GRAMD1B: variants seen among roughly 807,000 people sequenced by gnomAD.
GRAMD1B encodes GRAM domain containing 1B.
GRAMD1B carries 37 observed loss-of-function variants against 99.7 expected under a neutral mutation model. That is an observed-to-expected ratio of 0.37 (90% CI 0.29 to 0.49). The LOEUF (loss-of-function observed/expected upper bound fraction) is 0.49, where lower values mean the gene tolerates loss of function less well. Among genes scored for constraint, GRAMD1B ranks in the 20% least tolerant of loss-of-function variants. The pLI is 0.98. For synonymous variants in GRAMD1B, 427 were observed against 387.6 expected (o/e 1.10, Z -1.19); for missense variants, 888 against 1,009.2 (o/e 0.88, Z 1.63).
intron 1 of GRAMD1B, among the ~76,000 whole-genome samples, chr11:123,412,094 A>G (rs1948072383): frequency 1.3e-5 from 2 of 152,158 alleles, no homozygotes; most frequent in Non-Finnish European, 1.5e-5. Flanking sequence ...GTGTATGTGT[A>G]TTTTTATTCC....
At position 123,541,228 on chromosome 11, in the gene GRAMD1B, G is replaced by A. The variant is rs149962875; in HGVS notation, c.453-36139G>A. On this transcript the variant is annotated intron_variant, in intron 2 of 19. Transcript: ENST00000635736. ...TGACCTCAGGTGATCCACCTGCCTC[G>A]GTGTCCCAAAGTACTGGGATTACAG... 3.2e-3 allele frequency among the ~76,000 whole-genome samples: 481 copies of A among 152,070 alleles called. 4 individuals are homozygous for A. The highest frequency in any genetic ancestry group is 0.011 in the African/African-American group (444 of 41,484).
At chr11:123,495,678 CTTT>C (rs556302274) in intron 2 of GRAMD1B, among the ~76,000 whole-genome samples, 1 of 114,408 alleles carries the variant, frequency 8.7e-6, no homozygotes, top group African/African-American at 3.2e-5. Context: ...CTTTCTTCTT[CTTT>C]TTTTTTTTTT....
intron 1 of GRAMD1B, among the ~76,000 whole-genome samples, chr11:123,400,167 C>G (rs1050789372): frequency 6.6e-6 from 1 of 152,086 alleles, no homozygotes; most frequent in Non-Finnish European, 1.5e-5. Context: ...ACACCATAGA[C>G]CGGATACCTT....
chr11:123,531,023 AG>A (rs1336532656), intron 2 of GRAMD1B, among the ~76,000 whole-genome samples: 1 of 152,264 alleles, frequency 6.6e-6, no homozygotes, highest in Non-Finnish European at 1.5e-5. Context: ...CAGTCCTGAT[AG>A]AGCAGGTTGC....
intron 11 of GRAMD1B, 158 bp from the exon 12 acceptor site, chr11:123,608,501 C>T: frequency 6.5e-7 from 1 of 1,536,786 alleles, no homozygotes; most frequent in Non-Finnish European, 8.7e-7. Flanking sequence ...AGTCATAAAC[C>T]ATGCCCACGA....
At chr11:123,468,117 C>T (rs1950797933) in intron 1 of GRAMD1B, among the ~76,000 whole-genome samples, 1 of 152,114 alleles carries the variant, frequency 6.6e-6, no homozygotes, top group Admixed American at 6.5e-5. Flanking sequence ...CCGCCTTGGC[C>T]TCCCAAAGTG....
intron 1 of GRAMD1B, among the ~76,000 whole-genome samples, chr11:123,384,281 T>C (rs755243684): frequency 2.0e-5 from 3 of 152,220 alleles, no homozygotes; most frequent in Non-Finnish European, 4.4e-5. Flanking sequence ...GTGCCAAAAA[T>C]GATCTCAGCA....
chr11:123,535,178 C>T (rs1229486702), intron 2 of GRAMD1B, among the ~76,000 whole-genome samples: 1 of 151,622 alleles, frequency 6.6e-6, no homozygotes, highest in Admixed American at 6.6e-5. Flanking sequence ...GGAGTACACA[C>T]GTTCTTAGTG....
chr11:123,490,780 G>A (rs969760821), intron 2 of GRAMD1B, among the ~76,000 whole-genome samples: 1 of 152,144 alleles, frequency 6.6e-6, no homozygotes, highest in African/African-American at 2.4e-5. Flanking sequence ...TTTAGAGGAG[G>A]CAAGAGAAGG....
At chr11:123,463,118 C>T (rs1475799051) in intron 1 of GRAMD1B, among the ~76,000 whole-genome samples, 1 of 152,198 alleles carries the variant, frequency 6.6e-6, no homozygotes, top group Non-Finnish European at 1.5e-5. Flanking sequence ...AAGTGATTCT[C>T]ATGCCTCAGC....
chr11:123,519,845 G>A (rs949075236), intron 2 of GRAMD1B, among the ~76,000 whole-genome samples: 2 of 152,208 alleles, frequency 1.3e-5, no homozygotes, highest in African/African-American at 4.8e-5. Context: ...AGCTCCAGAT[G>A]AGGAGGTGGG....
At chr11:123,425,841 T>A (rs1399077618), upstream of GRAMD1B, among the ~76,000 whole-genome samples, 1 of 152,214 alleles carries the variant, frequency 6.6e-6, no homozygotes, top group Non-Finnish European at 1.5e-5. Context: ...CCTCTGACCC[T>A]TCTTAAAGTA....
At chr11:123,462,735 C>G (rs942793534) in intron 1 of GRAMD1B, among the ~76,000 whole-genome samples, 2 of 152,056 alleles carry the variant, frequency 1.3e-5, no homozygotes, top group Non-Finnish European at 2.9e-5. Context: ...ATCAGGGACA[C>G]AAACACTGCG....
At chr11:123,553,466 G>A (rs1375260203) in intron 2 of GRAMD1B, among the ~76,000 whole-genome samples, 1 of 152,194 alleles carries the variant, frequency 6.6e-6, no homozygotes, top group Non-Finnish European at 1.5e-5. Flanking sequence ...CTTAAAGGGT[G>A]GCTACCTGAT....
At chr11:123,556,886 T>C (rs1030921801) in intron 2 of GRAMD1B, among the ~76,000 whole-genome samples, 7 of 152,212 alleles carry the variant, frequency 4.6e-5, no homozygotes, top group Non-Finnish European at 1.0e-4. Flanking sequence ...GCAGAAAGTA[T>C]GAGTGCCTCT....
Position 123,625,900 on chromosome 11 carries a change from C to T in GRAMD1B, c.*3305C>T, listed in dbSNP as rs1213277678. On this transcript the variant is annotated 3_prime_UTR_variant, in exon 20 of 20. Coordinates refer to ENST00000635736, the MANE Select transcript of GRAMD1B (RefSeq NM_001387025.1). ...AGACCCAGGGTGATTAAAATTTATT[C>T]TTTAGGTGGCTAGGAGGGCTGGGGA... 7.1e-6 allele frequency: 1 copy of T among 140,866 alleles called. No homozygotes were observed. 8.7% of individuals were successfully genotyped at this position (140,866 alleles called of 1,614,324 possible).
chr11:123,436,044 G>A (rs1458079396), intron 1 of GRAMD1B, among the ~76,000 whole-genome samples: 1 of 146,922 alleles, frequency 6.8e-6, no homozygotes, highest in African/African-American at 2.5e-5. Flanking sequence ...CTGGGTTCAA[G>A]TGATTCTCCT....
rs369660111 is a variant in GRAMD1B at position 123,606,638 on chromosome 11, G to A, written c.1353G>A (p.Ala451=). 2.2e-4 allele frequency: 350 copies of A among 1,612,334 alleles called. 2 individuals are homozygous for A. Among genetic ancestry groups the A allele is most frequent in the African/African-American group, 2.0e-3 (150 of 75,028 alleles). The change falls in exon 11 of 20, where the codon GCG becomes GCA. Residue 451 remains alanine, a synonymous_variant. Transcript: ENST00000635736. ...ATGGGCTGCCCCTGGAGGAAGAGGC[G>A]CTGGAGGGAGACGGGTCCCTGGAAA... ...SFDGLPLEEE[A]LEGDGSLEKE... is the part of the protein sequence containing the mutation.
chr11:123,490,883 G>T (rs1265270860), intron 2 of GRAMD1B, among the ~76,000 whole-genome samples: 1 of 152,218 alleles, frequency 6.6e-6, no homozygotes, highest in East Asian at 1.9e-4. Flanking sequence ...TGGTAGGAAG[G>T]CGAGGAGGTT....
Sources: allele counts gnomAD v4.1 joint callset (sites outside exome capture counted in the v4.1 genomes callset), GRCh38; gene constraint gnomAD v4.1.1; transcripts MANE v1.5; gene names NCBI Gene and HGNC (gene_info 2026-07-23, HGNC 2026-07-21).